Variants in C12orf42 observed in about 807,000 individuals in gnomAD.
C12orf42 encodes chromosome 12 open reading frame 42, also known as uncharacterized protein C12orf42.
Under a neutral mutation model 21.6 loss-of-function variants are expected in C12orf42, and 25 were observed. That is an observed-to-expected ratio of 1.16 (90% CI 0.84 to 1.62). The LOEUF is 1.62. Among genes scored for constraint, C12orf42 ranks in the 40% most tolerant of loss-of-function variants. C12orf42 has a pLI of 0.00. For missense variants in C12orf42, 483 were observed against 459.3 expected (o/e 1.05, Z -0.47); for synonymous variants, 174 against 175.0 (o/e 0.99, Z 0.05).
chr12:103,220,995 G>A, the C12orf42 span, among the ~76,000 whole-genome samples: 1 of 152,042 alleles, frequency 6.6e-6, no homozygotes, highest in African/African-American at 2.4e-5. Context: ...CAAACAAATC[G>A]CCAGTCAGCC....
chr12:103,157,596 T>C, the C12orf42 span, among the ~76,000 whole-genome samples: 1 of 152,334 alleles, frequency 6.6e-6, no homozygotes, highest in Middle Eastern at 3.4e-3. Context: ...GTTTTTATGG[T>C]TTTGGGTTTT....
chr12:103,299,997 G>T (rs1053544580), downstream of C12orf42, among the ~76,000 whole-genome samples: 3 of 152,212 alleles, frequency 2.0e-5, no homozygotes, highest in Middle Eastern at 3.4e-3. Flanking sequence ...GGAAGAAAAG[G>T]GTCTCAAAGT....
At chr12:103,164,337 ACTCTCCT>A in the C12orf42 span, 1 of 446,580 alleles carries the variant, frequency 2.2e-6, no homozygotes, top group Non-Finnish European at 4.5e-6. Flanking sequence ...ATACTTACAG[ACTCTCCT>A]ATCCCCTTTC....
intron 3 of C12orf42, among the ~76,000 whole-genome samples, chr12:103,382,267 TG>T (rs1166616071): frequency 6.6e-6 from 1 of 152,240 alleles, no homozygotes; most frequent in Non-Finnish European, 1.5e-5. Flanking sequence ...TTTCTATGGC[TG>T]ATTTCATCTA....
the C12orf42 span, among the ~76,000 whole-genome samples, chr12:103,540,520 C>T: frequency 6.6e-6 from 1 of 152,192 alleles, no homozygotes; most frequent in Non-Finnish European, 1.5e-5. Context: ...ATTTTTCCCA[C>T]ACATTGAGCC....
chr12:103,138,175 C>T, the C12orf42 span, among the ~76,000 whole-genome samples: 1 of 152,094 alleles, frequency 6.6e-6, no homozygotes, highest in East Asian at 1.9e-4. Flanking sequence ...CTAAAAAAAT[C>T]CCTTTCTGAG....
intron 2 of C12orf42, among the ~76,000 whole-genome samples, chr12:103,440,621 TGA>T (rs1451739633): frequency 2.6e-5 from 4 of 151,998 alleles, no homozygotes; most frequent in Non-Finnish European, 4.4e-5. Context: ...TACAAATCCA[TGA>T]GATATGTGCT....
chr12:103,188,441 T>C, the C12orf42 span, among the ~76,000 whole-genome samples: 4 of 152,206 alleles, frequency 2.6e-5, no homozygotes, highest in African/African-American at 9.7e-5. Context: ...ACTTGATTTA[T>C]TGGTGATGTG....
chr12:103,335,774 G>A (rs1279819158), intron 4 of C12orf42, among the ~76,000 whole-genome samples: 1 of 152,166 alleles, frequency 6.6e-6, no homozygotes, highest in Non-Finnish European at 1.5e-5. Context: ...CCTATTTGTG[G>A]CTGAAAAAGA....
the C12orf42 span, among the ~76,000 whole-genome samples, chr12:103,181,704 A>C: frequency 6.6e-6 from 1 of 152,366 alleles, no homozygotes; most frequent in African/African-American, 2.4e-5. Context: ...TCTACTCTGT[A>C]GCAGGTACTG....
intron 2 of C12orf42, among the ~76,000 whole-genome samples, chr12:103,418,367 T>C (rs115164502): frequency 0.013 from 1,913 of 152,300 alleles, 35 homozygotes; most frequent in African/African-American, 0.044. Context: ...AAGAAGATAA[T>C]CTGATCTTCT....
At chr12:103,330,331 T>C (rs1379077384) in intron 4 of C12orf42, among the ~76,000 whole-genome samples, 1 of 152,230 alleles carries the variant, frequency 6.6e-6, no homozygotes, top group Non-Finnish European at 1.5e-5. Context: ...AATTGTCATA[T>C]TGTTTTATCT....
chr12:103,294,587 A>G (rs7955065), intron 4 of C12orf42, among the ~76,000 whole-genome samples: 5,536 of 60,504 alleles, frequency 0.091, 106 homozygotes, highest in East Asian at 0.13. Flanking sequence ...AAGGAAGGAA[A>G]GAAAGAAAGA....
chr12:103,076,032 GGTCA>G, the C12orf42 span, among the ~76,000 whole-genome samples: 1 of 152,096 alleles, frequency 6.6e-6, no homozygotes, highest in African/African-American at 2.4e-5. Context: ...GATTTCCAAA[GGTCA>G]ATTTGTCTTT....
At chr12:103,358,145 A>G (rs750528411) in intron 4 of C12orf42, among the ~76,000 whole-genome samples, 4 of 151,992 alleles carry the variant, frequency 2.6e-5, no homozygotes, top group Non-Finnish European at 5.9e-5. Flanking sequence ...AAGAGGGCAA[A>G]CCCCAATACT....
chr12:103,394,193 G>C (rs1020674074), intron 3 of C12orf42, among the ~76,000 whole-genome samples: 1 of 152,210 alleles, frequency 6.6e-6, no homozygotes, highest in Non-Finnish European at 1.5e-5. Context: ...GTTAATCCCT[G>C]CTAAAGTCAG....
the C12orf42 span, chr12:103,151,794 C>T: frequency 1.3e-5 from 2 of 152,100 alleles, no homozygotes; most frequent in Non-Finnish European, 2.9e-5. Context: ...CCAAGATTCC[C>T]ACACAATTGT....
At chr12:103,225,190 G>A in the C12orf42 span, among the ~76,000 whole-genome samples, 1 of 152,202 alleles carries the variant, frequency 6.6e-6, no homozygotes, top group Non-Finnish European at 1.5e-5. Flanking sequence ...GAGTTGTGGA[G>A]GAAGTTATTG....
At chr12:103,310,909 A>C (rs545971874) in intron 4 of C12orf42, among the ~76,000 whole-genome samples, 81 of 152,310 alleles carry the variant, frequency 5.3e-4, no homozygotes, top group Admixed American at 9.8e-4. Flanking sequence ...AACAAACAAC[A>C]CTAGAACCAA....
Sources: gnomAD v4.1 joint callset for allele counts (sites outside exome capture counted in the v4.1 genomes callset) on GRCh38, gnomAD v4.1.1 for gene constraint, MANE v1.5 for transcripts, NCBI Gene and HGNC (gene_info 2026-07-23, HGNC 2026-07-21) for gene names.